The following HMCN2 variants were observed in gnomAD, a reference collection of about 807,000 sequenced individuals.
The protein encoded by HMCN2 is hemicentin-2.
HMCN2 carries 325 observed loss-of-function variants against 377.5 expected under a neutral mutation model. The ratio of observed to expected loss-of-function variants is 0.86; its 90% confidence interval spans 0.79 to 0.94. The LOEUF (loss-of-function observed/expected upper bound fraction) is 0.94. HMCN2 is among the 40% of genes least tolerant of loss of function. The pLI, the probability that HMCN2 is intolerant of heterozygous loss-of-function variation, is 0.00. For missense variants in HMCN2, 4,543 were observed against 4,725.3 expected (o/e 0.96, Z 1.13); for synonymous variants, 2,007 against 2,046.8 (o/e 0.98, Z 0.53).
At chr9:130,410,039 A>C (rs1373004880) in intron 84 of HMCN2, among the ~76,000 whole-genome samples, 1 of 152,014 alleles carries the variant, frequency 6.6e-6, no homozygotes, top group African/African-American at 2.4e-5. Flanking sequence ...CTTCTGGAAG[A>C]CTCACTTTGC....
chr9:130,387,366 G>A (rs912993556), intron 61 of HMCN2, among the ~76,000 whole-genome samples: 9 of 152,128 alleles, frequency 5.9e-5, no homozygotes, highest in African/African-American at 1.9e-4. Context: ...TGGGTAGCTC[G>A]GCTCCATGCG....
chr9:130,414,598 G>T lies in HMCN2; in HGVS notation c.12961+3946G>T, dbSNP rs549447360. On this transcript the variant is annotated intron_variant, in intron 85 of 97. Transcript: ENST00000683500. This position sits in a 1 kb window ranked among gnomAD's most constrained non-coding sequence, Gnocchi z 4.4. ...CCTACTGAGATAGTACAGATATCAGGTAATCTGATAAGGACTTTTTTTTTT... is the reference window on the plus strand; with the variant it reads ...CCTACTGAGATAGTACAGATATCAGTTAATCTGATAAGGACTTTTTTTTTT... Among the ~76,000 whole-genome samples the T allele has an allele frequency of 6.6e-6, 1 of 150,512 alleles. No individual in the cohort carries two copies. The highest frequency in any genetic ancestry group is 2.1e-4 in the South Asian group (1 of 4,676).
At chr9:130,376,898 G>A (rs1841415211) in intron 52 of HMCN2, among the ~76,000 whole-genome samples, 1 of 151,954 alleles carries the variant, frequency 6.6e-6, no homozygotes, top group Non-Finnish European at 1.5e-5. Context: ...CTGGGTTCAA[G>A]CAATTCTCCC....
intron 62 of HMCN2, among the ~76,000 whole-genome samples, chr9:130,390,542 G>A (rs1190617144): frequency 6.6e-6 from 1 of 152,156 alleles, no homozygotes; most frequent in African/African-American, 2.4e-5. Context: ...GAGAATGAAG[G>A]GGGAGGCCTG....
rs747819467 is a variant in HMCN2 at position 130,384,863 on chromosome 9, T to TC, written c.9106+70dup. The stretch of plus-strand genomic sequence containing the variant: ...CCTTCAGTCACCCCTCAGCCCATAC[T>TC]CCCCCAGAGAACATAGACAGGAGAG... On this transcript the variant is annotated intron_variant, in intron 59 of 97. Transcript: ENST00000683500. 215 of 1,062,394 alleles carry TC rather than the reference T, an allele frequency of 2.0e-4. 1 individual carries two copies. In the South Asian group the frequency reaches 2.8e-3, roughly 14 times the overall value. The allele number at this position is 1,062,394 out of a possible 1,614,324, so 65.8% of individuals were successfully genotyped here.
intron 1 of HMCN2, among the ~76,000 whole-genome samples, chr9:130,275,593 G>A (rs568519278): frequency 6.6e-6 from 1 of 152,114 alleles, no homozygotes; most frequent in Non-Finnish European, 1.5e-5. Flanking sequence ...GGGATTACAG[G>A]TGCCTGCCAC....
At position 130,375,522 on chromosome 9, in the gene HMCN2, G is replaced by A. The variant is rs916857466; in HGVS notation, c.7631-41G>A. On this transcript the variant is annotated intron_variant, in intron 49 of 97. Coordinates refer to ENST00000683500, the MANE Select transcript of HMCN2 (RefSeq NM_001291815.2). ...TTCCTGGTCCTTAGTCTAGGGTCAG[G>A]GATCTCTGCTCATAACTGCCTCCCT... is the stretch of plus-strand genomic sequence containing the variant. 3 of 981,306 alleles carry A rather than the reference G, an allele frequency of 3.1e-6. No homozygotes were observed. The African/African-American group carries it at 5.2e-5, about 17-fold the overall frequency. 60.8% of individuals were successfully genotyped at this position (981,306 alleles called of 1,614,324 possible).
At position 130,430,514 on chromosome 9, in the gene HMCN2, G is replaced by A; in HGVS notation, c.14557G>A (p.Val4853Ile). 1 of 1,550,588 alleles carries A rather than the reference G, an allele frequency of 6.4e-7. No individual in the cohort carries two copies. The highest frequency in any genetic ancestry group is 8.7e-7 in the Non-Finnish European group (1 of 1,146,974). ...SIPGTSYHAW[V>I]SLRPGPMALS... is the part of the protein sequence containing the mutation. ...CCCCGGTACCTCCTACCACGCCTGG[G>A]TCTCTCTCCGTCCGGGTCCCATGGC... The change falls in exon 95 of 98, where the codon GTC (valine) becomes ATC (isoleucine). Residue 4853 changes from valine to isoleucine, a missense_variant. Coordinates refer to ENST00000683500, the MANE Select transcript of HMCN2 (RefSeq NM_001291815.2).
chr9:130,349,622 A>G lies in HMCN2; in HGVS notation c.4389A>G (p.Ser1463=), dbSNP rs1191152657. Residue 1463 remains serine, a synonymous_variant, in exon 29 of 98, where the codon TCA becomes TCG. Coordinates refer to ENST00000683500, the MANE Select transcript of HMCN2 (RefSeq NM_001291815.2). ...ACGTGGAGCTGCAGTGTTGGACCTC[A>G]GGGGTCCCCACGCCCCAGGTGGAGT... ...GADVELQCWT[S]GVPTPQVEWT... 1 of 1,303,542 alleles carries G rather than the reference A, an allele frequency of 7.7e-7. No homozygotes were observed. Among genetic ancestry groups the G allele is most frequent in the Non-Finnish European group, 1.0e-6 (1 of 988,356 alleles). The allele number at this position is 1,303,542 out of a possible 1,614,324, so 80.7% of individuals were successfully genotyped here.
chr9:130,371,413 A>AG (rs376003941), intron 46 of HMCN2, among the ~76,000 whole-genome samples: 33 of 108,880 alleles, frequency 3.0e-4, no homozygotes, highest in African/African-American at 6.2e-4. Context: ...TAAGTCCTGC[A>AG]GAAAAAAAAA....
In HMCN2 at chr9:130,379,277, T is replaced by C; in HGVS notation, c.8241T>C (p.Asp2747=). Residue 2747 remains aspartate, a synonymous_variant, in exon 54 of 98, where the codon GAT becomes GAC. Transcript: ENST00000683500. The part of the protein sequence containing the change: ...QVPPMFQKVG[D]FSAAFEILSR... ...CCCCCATGTTCCAGAAGGTGGGTGA[T>C]TTCAGTGCAGCCTTCGAGATCCTGT... 1 of 985,512 alleles carries C rather than the reference T, an allele frequency of 1.0e-6. No homozygotes were observed. The highest frequency in any genetic ancestry group is 4.7e-5 in the South Asian group (1 of 21,254). The allele number at this position is 985,512 out of a possible 1,614,324, so 61.0% of individuals were successfully genotyped here.
At position 130,303,433 on chromosome 9, in the gene HMCN2, A is replaced by G. The variant is rs951116651; in HGVS notation, c.1422-54A>G. On this transcript the variant is annotated intron_variant, in intron 9 of 97. Transcript: ENST00000683500. This position sits in a 1 kb window ranked among gnomAD's most constrained non-coding sequence, Gnocchi z 5.2. ...ATTCAGGGGACTGAAGTCGGGGGGG[A>G]CCCTGAGTGGGGGTCAGTGTGATTG... 2 of 375,168 alleles carry G rather than the reference A, an allele frequency of 5.3e-6. No individual in the cohort carries two copies. The highest frequency in any genetic ancestry group is 6.4e-5 in the Admixed American group (2 of 31,306). 23.2% of individuals were successfully genotyped at this position (375,168 alleles called of 1,614,324 possible).
At chr9:130,419,147 C>A (rs1843851155) in intron 86 of HMCN2, 106 bp downstream of exon 86, 4 of 1,117,808 alleles carry the variant, frequency 3.6e-6, no homozygotes, top group Non-Finnish European at 4.7e-6. Context: ...TGCCAGCTCC[C>A]CACCTCTTCC....
intron 61 of HMCN2, 123 bp downstream of exon 61, chr9:130,386,647 A>G (rs1185842820): frequency 2.3e-6 from 1 of 443,064 alleles, no homozygotes; most frequent in African/African-American, 2.1e-5. Flanking sequence ...AGGCACAATG[A>G]CTAGAATTTG....
At chr9:130,398,817 C>T (rs569118646) in intron 75 of HMCN2, 110 bp downstream of exon 75, 25 of 973,474 alleles carry the variant, frequency 2.6e-5, no homozygotes, top group Non-Finnish European at 3.3e-5. Context: ...CAGGTCTCAC[C>T]GGAGTCAGGA....
intron 62 of HMCN2, among the ~76,000 whole-genome samples, chr9:130,390,413 A>G (rs1490607532): frequency 6.6e-6 from 1 of 152,172 alleles, no homozygotes; most frequent in Non-Finnish European, 1.5e-5. Context: ...TGCGCTGGAC[A>G]TGGGGCAGTT....
At chr9:130,333,744 C>T (rs964587145) in intron 22 of HMCN2, among the ~76,000 whole-genome samples, 196 of 152,292 alleles carry the variant, frequency 1.3e-3, no homozygotes, top group African/African-American at 4.5e-3. Context: ...GGGAATGTAG[C>T]GGGAGAGTGG....
At position 130,428,894 on chromosome 9, in the gene HMCN2, T is replaced by C. The variant is rs1844554817; in HGVS notation, c.14197+405T>C. 6.6e-6 allele frequency among the ~76,000 whole-genome samples: 1 copy of C among 152,188 alleles called. No homozygotes were observed. The highest frequency in any genetic ancestry group is 2.1e-4 in the South Asian group (1 of 4,828). On this transcript the variant is annotated intron_variant, in intron 93 of 97. Transcript: ENST00000683500. The surrounding 1 kb of genome is among the most constrained non-coding windows in gnomAD (Gnocchi z 5.0). ...GCCCCTGCAGCCACAGTGGAACAGG[T>C]TCAGTCAGCCTTTGAGATAAAACTT...
intron 29 of HMCN2, among the ~76,000 whole-genome samples, chr9:130,350,017 C>A: frequency 6.8e-6 from 1 of 147,532 alleles, no homozygotes; most frequent in East Asian, 2.0e-4. Context: ...AGAGATCATC[C>A]CACTTCAGCC....
Sources: allele counts gnomAD v4.1 joint callset (sites outside exome capture counted in the v4.1 genomes callset), GRCh38; gene constraint gnomAD v4.1.1; non-coding constraint Gnocchi (gnomAD v3.1); transcripts MANE v1.5; gene names NCBI Gene and HGNC (gene_info 2026-07-23, HGNC 2026-07-21).